The following BMP6 variants were observed in gnomAD, a reference collection of about 807,000 sequenced individuals.
BMP6 encodes the protein VG-1-R.
In BMP6, 17 loss-of-function variants were observed where a neutral mutation model predicts 54.1. The ratio of observed to expected loss-of-function variants is 0.31; its 90% CI spans 0.22 to 0.47. The LOEUF is 0.47. Among genes scored for constraint, BMP6 ranks in the 20% least tolerant of loss-of-function variants. The pLI is 1.00. For synonymous variants in BMP6, 328 were observed against 291.2 expected, an observed-to-expected ratio of 1.13 and a Z score of -1.28; for missense variants, 720 against 690.4, an observed-to-expected ratio of 1.04 and a Z score of -0.48.
chr6:7,872,668 G>GC (rs899665987), intron 4 of BMP6, among the ~76,000 whole-genome samples: 60 of 152,308 alleles, frequency 3.9e-4, no homozygotes, highest in African/African-American at 1.4e-3. Context: ...TAGAAGCAAA[G>GC]CCCTTTGACT....
chr6:7,820,882 G>A (rs558070839), intron 1 of BMP6, among the ~76,000 whole-genome samples: 3 of 152,312 alleles, frequency 2.0e-5, no homozygotes, highest in Non-Finnish European at 2.9e-5. Context: ...GAAGGAGCAC[G>A]CGATCTAGAT....
chr6:7,875,188 C>T (rs1394054131), intron 4 of BMP6, among the ~76,000 whole-genome samples: 2 of 152,066 alleles, frequency 1.3e-5, no homozygotes, highest in Non-Finnish European at 2.9e-5. Flanking sequence ...GCTCTGATGT[C>T]CCAGGGCAAG....
intron 4 of BMP6, among the ~76,000 whole-genome samples, chr6:7,870,795 T>G (rs1759512056): frequency 6.6e-6 from 1 of 152,158 alleles, no homozygotes; most frequent in South Asian, 2.1e-4. Flanking sequence ...GCCCCTCTAA[T>G]TTTTTGTATT....
At chr6:7,827,244 G>T (rs545402985) in intron 1 of BMP6, among the ~76,000 whole-genome samples, 1 of 152,324 alleles carries the variant, frequency 6.6e-6, no homozygotes, top group Non-Finnish European at 1.5e-5. Context: ...GTGCGGACCT[G>T]CTGCGCTTCA....
At chr6:7,762,102 A>G (rs2113142779) in intron 1 of BMP6, among the ~76,000 whole-genome samples, 1 of 152,174 alleles carries the variant, frequency 6.6e-6, no homozygotes, top group Non-Finnish European at 1.5e-5. Context: ...TTGTATTTTT[A>G]GTAGAAATGG....
At chr6:7,874,041 C>G (rs577942198) in intron 4 of BMP6, among the ~76,000 whole-genome samples, 1 of 152,212 alleles carries the variant, frequency 6.6e-6, no homozygotes, top group East Asian at 1.9e-4. Flanking sequence ...ACCCAGGACA[C>G]CTTTAGGAGC....
chr6:7,825,733 AC>A, intron 1 of BMP6, among the ~76,000 whole-genome samples: 1 of 147,808 alleles, frequency 6.8e-6, no homozygotes, highest in South Asian at 2.1e-4. Flanking sequence ...AAAAAAAAAA[AC>A]AAAAACCAAA....
At chr6:7,799,081 C>A (rs1308418332) in intron 1 of BMP6, among the ~76,000 whole-genome samples, 4 of 152,204 alleles carry the variant, frequency 2.6e-5, no homozygotes, top group African/African-American at 9.6e-5. Context: ...AAATTTCCAA[C>A]ATAGAACATG....
In BMP6 at chr6:7,797,826, A is replaced by G. The variant is rs547526917; in HGVS notation, c.665-47314A>G. Among the ~76,000 whole-genome samples, 651 of 152,298 alleles carry G rather than the reference A, an allele frequency of 4.3e-3. 1 individual carries two copies. Among genetic ancestry groups the G allele is most frequent in the Non-Finnish European group, 7.1e-3 (485 of 68,022 alleles). ...AAAATGAAAAGCAAATTTATTCTAGATTCTACCTTTTTGTTTTATGTGTGT... is the reference window on the plus strand; with the variant it reads ...AAAATGAAAAGCAAATTTATTCTAGGTTCTACCTTTTTGTTTTATGTGTGT... On this transcript the variant is annotated intron_variant, in intron 1 of 6. Transcript: ENST00000283147.
At position 7,727,237 on chromosome 6, in the gene BMP6, G is replaced by T; in HGVS notation, c.282G>T (p.Arg94=). Residue 94 remains arginine (R), a synonymous_variant, in exon 1 of 7, where the codon CGG becomes CGT. Coordinates refer to ENST00000283147, the MANE Select transcript of BMP6 (RefSeq NM_001718.6). ...LSVLGLPHRP[R]PLHGLQQPQP... ...TGCTGGGGCTCCCGCACCGGCCCCG[G>T]CCCCTGCACGGCCTCCAACAGCCGC... 3 of 1,606,376 alleles carry T rather than the reference G, an allele frequency of 1.9e-6. No individual in the cohort carries two copies. Among genetic ancestry groups the T allele is most frequent in the African/African-American group, 2.7e-5 (2 of 74,910 alleles).
intron 1 of BMP6, among the ~76,000 whole-genome samples, chr6:7,729,112 T>C (rs1283909485): frequency 3.9e-5 from 6 of 152,084 alleles, no homozygotes; most frequent in Non-Finnish European, 4.4e-5. Flanking sequence ...TGGACAAGAA[T>C]TTTCACAATT....
At position 7,862,483 on chromosome 6, in the gene BMP6, G is replaced by T. The variant is rs1386761629; in HGVS notation, c.1189G>T (p.Val397Phe). 1 of 1,614,050 alleles carries T rather than the reference G, an allele frequency of 6.2e-7. No homozygotes were observed. The change falls in exon 4 of 7, where the codon GTC becomes TTC. Residue 397 changes from valine to phenylalanine, a missense_variant. By Grantham distance (50) the Val-to-Phe change is conservative (BLOSUM62 -1). Transcript: ENST00000283147. ...TACCCAGTCCCAGGACGTGGCGCGGGTCTCCAGTGCTTCAGGTGGGTTTGT... is the reference window on the plus strand; with the variant it reads ...TACCCAGTCCCAGGACGTGGCGCGGTTCTCCAGTGCTTCAGGTGGGTTTGT... ...RSTQSQDVAR[V>F]SSASDYNSSE...
At chr6:7,805,372 AAC>A (rs1207668382) in intron 1 of BMP6, among the ~76,000 whole-genome samples, 1 of 152,238 alleles carries the variant, frequency 6.6e-6, no homozygotes, top group Non-Finnish European at 1.5e-5. Context: ...GTATCTATTC[AAC>A]ACACACACGA....
At chr6:7,867,263 A>G (rs960382918) in intron 4 of BMP6, among the ~76,000 whole-genome samples, 1 of 152,206 alleles carries the variant, frequency 6.6e-6, no homozygotes, top group Non-Finnish European at 1.5e-5. Context: ...GCTCTAGTAC[A>G]TTCAGGGATA....
chr6:7,829,623 T>A (rs748592670), intron 1 of BMP6, among the ~76,000 whole-genome samples: 9 of 152,176 alleles, frequency 5.9e-5, no homozygotes, highest in African/African-American at 2.2e-4. Context: ...GGAGGATTGC[T>A]TGGGCCCAGG....
intron 1 of BMP6, among the ~76,000 whole-genome samples, chr6:7,788,523 T>C (rs1026143037): frequency 6.6e-6 from 1 of 152,214 alleles, no homozygotes; most frequent in African/African-American, 2.4e-5. Flanking sequence ...TAAAGAATTT[T>C]AAAAATAAAC....
intron 1 of BMP6, among the ~76,000 whole-genome samples, chr6:7,814,910 A>G (rs993100423): frequency 3.3e-5 from 5 of 152,128 alleles, no homozygotes; most frequent in African/African-American, 1.2e-4. Context: ...GGTGCAGCAA[A>G]CCACCGTGGC....
chr6:7,870,372 A>C (rs1210494785), intron 4 of BMP6, among the ~76,000 whole-genome samples: 2 of 152,252 alleles, frequency 1.3e-5, no homozygotes, highest in African/African-American at 4.8e-5. Flanking sequence ...ATCGTGCAGA[A>C]GGCCTAAATG....
intron 1 of BMP6, among the ~76,000 whole-genome samples, chr6:7,763,775 A>G (rs988910108): frequency 1.3e-5 from 2 of 152,206 alleles, no homozygotes; most frequent in African/African-American, 4.8e-5. Flanking sequence ...CTAAAAGGAA[A>G]GAAAAAAAAA....
Sources: allele counts gnomAD v4.1 joint callset (sites outside exome capture counted in the v4.1 genomes callset), GRCh38; gene constraint gnomAD v4.1.1; transcripts MANE v1.5; gene names NCBI Gene and HGNC (gene_info 2026-07-23, HGNC 2026-07-21).